ERCC8: variants seen among roughly 807,000 people sequenced by gnomAD.
The protein encoded by ERCC8 is ERCC excision repair 8, CSA ubiquitin ligase complex subunit.
A neutral mutation model predicts 54.9 loss-of-function variants in ERCC8; 52 were observed. That is an observed-to-expected ratio of 0.95 (90% CI 0.76 to 1.19). The LOEUF is 1.19. ERCC8 is among the 50% of genes most tolerant of loss of function. ERCC8 has a pLI of 0.00. For missense variants in ERCC8, 514 were observed against 466.1 expected, an observed-to-expected ratio of 1.10 and a Z score of -0.95; for synonymous variants, 146 against 157.2, an observed-to-expected ratio of 0.93 and a Z score of 0.53.
intron 11 of ERCC8, among the ~76,000 whole-genome samples, chr5:60,880,063 G>A (rs1748158553): frequency 6.6e-6 from 1 of 152,176 alleles, no homozygotes; most frequent in East Asian, 1.9e-4. Context: ...CAGGCCTGGT[G>A]GTGACAAAAT....
chr5:60,887,815 C>G (rs1257860472), intron 10 of ERCC8, among the ~76,000 whole-genome samples: 1 of 152,080 alleles, frequency 6.6e-6, no homozygotes, highest in Non-Finnish European at 1.5e-5. Context: ...TTTCTAATGT[C>G]AGAGAAAGAA....
In ERCC8 at chr5:60,887,449, A is replaced by T. The variant is rs574268856; in HGVS notation, c.1113T>A (p.Asp371Glu). ...TGAAAATAATATTTACCTCATCATC[A>T]TCAGGAACTGGTTCATATAAGGATG... is the stretch of plus-strand genomic sequence containing the variant. ...WVPSLYEPVP[D>E]DDETTTKSQL... The change falls in exon 11 of 12, where the codon GAT (aspartate) becomes GAA (glutamate). Residue 371 changes from aspartate (D) to glutamate (E), a missense_variant. By Grantham distance (45) the Asp-to-Glu change is conservative. Transcript: ENST00000676185. The T allele has an allele frequency of 2.7e-5, 43 of 1,611,554 alleles. No homozygotes were observed. Among genetic ancestry groups the T allele is most frequent in the Non-Finnish European group, 3.7e-5 (43 of 1,177,818 alleles).
intron 11 of ERCC8, among the ~76,000 whole-genome samples, chr5:60,878,820 C>G (rs902172256): frequency 6.6e-6 from 1 of 152,180 alleles, no homozygotes; most frequent in Non-Finnish European, 1.5e-5. Flanking sequence ...CAAAAACCAG[C>G]TCCTGGATTC....
intron 3 of ERCC8, among the ~76,000 whole-genome samples, chr5:60,921,398 T>C (rs1036377454): frequency 1.3e-5 from 2 of 151,940 alleles, no homozygotes; most frequent in African/African-American, 2.4e-5. Flanking sequence ...TCAGATTGAA[T>C]GTAGGTGAAG....
At chr5:60,880,808 A>G (rs544738179) in intron 11 of ERCC8, among the ~76,000 whole-genome samples, 10 of 152,152 alleles carry the variant, frequency 6.6e-5, no homozygotes, top group African/African-American at 2.4e-4. Flanking sequence ...CCATGGGTTC[A>G]AACTTCCTCC....
chr5:60,880,918 C>T (rs1748196075), intron 11 of ERCC8, among the ~76,000 whole-genome samples: 2 of 152,162 alleles, frequency 1.3e-5, no homozygotes, highest in Admixed American at 1.3e-4. Context: ...GAGCTGCGTT[C>T]CTTTGGAGGA....
chr5:60,934,184 T>A (rs1426509950), intron 1 of ERCC8, among the ~76,000 whole-genome samples: 2 of 152,222 alleles, frequency 1.3e-5, no homozygotes, highest in African/African-American at 4.8e-5. Context: ...GTGGTGGTAC[T>A]AGTTGACATT....
At chr5:60,887,627 C>T in intron 10 of ERCC8, 107 bp from the exon 11 acceptor site, 2 of 819,268 alleles carry the variant, frequency 2.4e-6, no homozygotes, top group South Asian at 1.4e-5. Context: ...TAGATTAATG[C>T]TATTTCTACT....
chr5:60,881,996 T>C (rs1323924507), intron 11 of ERCC8, among the ~76,000 whole-genome samples: 1 of 152,168 alleles, frequency 6.6e-6, no homozygotes, highest in South Asian at 2.1e-4. Flanking sequence ...TCGGCCATCT[T>C]GGCTCCACCT....
chr5:60,898,952 T>C (rs769763390), intron 8 of ERCC8, among the ~76,000 whole-genome samples: 1 of 151,306 alleles, frequency 6.6e-6, no homozygotes, highest in Non-Finnish European at 1.5e-5. Context: ...TAAGGTTTTT[T>C]AAAAAACTAT....
Position 60,874,391 on chromosome 5 carries a change from C to T in ERCC8, c.*224G>A. On this transcript the variant is annotated 3_prime_UTR_variant, in exon 12 of 12. Coordinates refer to ENST00000676185, the MANE Select transcript of ERCC8 (RefSeq NM_000082.4). ...TGTACTGTAGCAATGAGGGCTTTCC[C>T]AGGCCACAACATCTGGGATCAAGGA... is the stretch of plus-strand genomic sequence containing the variant. 1 of 513,080 alleles carries T rather than the reference C, an allele frequency of 1.9e-6. No homozygotes were observed. The highest frequency in any genetic ancestry group is 3.4e-5 in the East Asian group (1 of 29,386). 31.8% of individuals were successfully genotyped at this position (513,080 alleles called of 1,614,324 possible). A position where few individuals can be genotyped will look rare whatever the true frequency, so the allele number is the denominator to read the frequency against.
chr5:60,876,463 C>A (rs540751313), intron 11 of ERCC8, among the ~76,000 whole-genome samples: 6 of 152,318 alleles, frequency 3.9e-5, no homozygotes, highest in South Asian at 4.2e-4. Context: ...ACATGGACTT[C>A]CACAATGGTT....
At chr5:60,911,090 C>T (rs920212999) in intron 4 of ERCC8, among the ~76,000 whole-genome samples, 2 of 151,924 alleles carry the variant, frequency 1.3e-5, no homozygotes, top group Non-Finnish European at 2.9e-5. Flanking sequence ...CTTTTAAGTT[C>T]TAGGGTACAT....
intron 3 of ERCC8, 103 bp downstream of exon 3, chr5:60,921,951 C>T (rs1020742550): frequency 1.8e-5 from 13 of 725,582 alleles, no homozygotes; most frequent in Admixed American, 4.0e-5. Context: ...GTGAACCATT[C>T]GCTTGACCCA....
chr5:60,936,163 G>A (rs373135152), intron 1 of ERCC8, among the ~76,000 whole-genome samples: 3 of 151,920 alleles, frequency 2.0e-5, no homozygotes, highest in African/African-American at 7.3e-5. Flanking sequence ...AACTTTTTTT[G>A]GTAACTTTTT....
At chr5:60,916,090 G>C (rs754001235) in intron 4 of ERCC8, among the ~76,000 whole-genome samples, 5 of 151,960 alleles carry the variant, frequency 3.3e-5, no homozygotes, top group African/African-American at 4.8e-5. Flanking sequence ...AATGTCTTCT[G>C]CTTCATTTCT....
chr5:60,934,238 C>T (rs1351544570), intron 1 of ERCC8, among the ~76,000 whole-genome samples: 2 of 152,164 alleles, frequency 1.3e-5, no homozygotes, highest in Non-Finnish European at 2.9e-5. Context: ...CATATCCATG[C>T]CAACATCTAC....
intron 11 of ERCC8, among the ~76,000 whole-genome samples, chr5:60,880,795 T>C (rs188510958): frequency 5.4e-4 from 82 of 152,302 alleles, no homozygotes; most frequent in African/African-American, 1.9e-3. Flanking sequence ...TTTAACTTCT[T>C]TGCCATGGGT....
At chr5:60,927,980 G>A (rs991983267) in intron 2 of ERCC8, among the ~76,000 whole-genome samples, 6 of 152,196 alleles carry the variant, frequency 3.9e-5, no homozygotes, top group Admixed American at 2.0e-4. Flanking sequence ...AATTCTGGGG[G>A]AAATGCTAAA....
Sources: gnomAD v4.1 joint callset for allele counts (sites outside exome capture counted in the v4.1 genomes callset) on GRCh38, gnomAD v4.1.1 for gene constraint, MANE v1.5 for transcripts, NCBI Gene and HGNC (gene_info 2026-07-23, HGNC 2026-07-21) for gene names.